ENOSF1: variants seen among roughly 807,000 people sequenced by gnomAD.
ENOSF1 encodes the protein mitochondrial enolase superfamily member 1.
A neutral mutation model predicts 68.2 loss-of-function variants in ENOSF1; 73 were observed. The ratio of observed to expected loss-of-function variants is 1.07; its 90% CI spans 0.89 to 1.30. The LOEUF is 1.30. Ranked by LOEUF, ENOSF1 falls within the 50% of genes most tolerant of loss-of-function variation. The pLI, the probability that ENOSF1 is intolerant of heterozygous loss-of-function variation, is 0.00. For synonymous variants in ENOSF1, 223 were observed against 210.4 expected, an observed-to-expected ratio of 1.06 and a Z score of -0.52; for missense variants, 589 against 554.5, an observed-to-expected ratio of 1.06 and a Z score of -0.62.
chr18:693,334 T>G (rs2077396148), intron 5 of ENOSF1: 3 of 1,207,538 alleles, frequency 2.5e-6, no homozygotes, highest in South Asian at 1.5e-5. Context: ...TCTTTTTTCT[T>G]TTTTTGAGAC....
rs2077136233 is a variant in ENOSF1 at position 691,281 on chromosome 18, C to T, written c.424-5G>A. On this transcript the variant is annotated splice_region_variant and splice_polypyrimidine_tract_variant and intron_variant, in intron 5 of 15. Coordinates refer to ENST00000647584, the MANE Select transcript of ENOSF1 (RefSeq NM_017512.7). ...GGATACCAGCATCCTGGGATCCTGG[C>T]AACGTGACAGGAGGGGAAGAGGCCT... 1.2e-6 allele frequency: 2 copies of T among 1,612,388 alleles called. No homozygotes were observed. Among genetic ancestry groups the T allele is most frequent in the Non-Finnish European group, 8.5e-7 (1 of 1,178,822 alleles).
rs376879431 is a variant in ENOSF1, at chr18:694,234, G to A, written c.396+14C>T. 41 of 1,613,398 alleles carry A rather than the reference G, an allele frequency of 2.5e-5. No individual in the cohort carries two copies. Among genetic ancestry groups the A allele is most frequent in the Non-Finnish European group, 3.4e-5 (40 of 1,179,672 alleles). On this transcript the variant is annotated intron_variant, in intron 4 of 15. Transcript: ENST00000647584. ...GCTCCCAGGAGCCTCCTGAGCGTTT[G>A]TGAGAGGGGTTACCTTTCCCTCCTG... is the stretch of plus-strand genomic sequence containing the variant.
At chr18:710,855 T>A (rs973424449) in intron 1 of ENOSF1, among the ~76,000 whole-genome samples, 1 of 152,216 alleles carries the variant, frequency 6.6e-6, no homozygotes, top group Admixed American at 6.5e-5. Context: ...TGAGATCGAG[T>A]GTTTGGATTC....
intron 9 of ENOSF1, chr18:687,185 G>A (rs368710454): frequency 1.5e-4 from 23 of 152,338 alleles, no homozygotes; most frequent in African/African-American, 5.5e-4. Flanking sequence ...TTGAGTAATT[G>A]ATCACACAGC....
Position 672,716 on chromosome 18 carries a change from C to T in ENOSF1, c.*1589G>A. The T allele has an allele frequency of 2.3e-6, 2 of 872,038 alleles. No homozygotes were observed. The highest frequency in any genetic ancestry group is 3.4e-6 in the Non-Finnish European group (2 of 591,350). 54.0% of individuals were successfully genotyped at this position (872,038 alleles called of 1,614,324 possible). A position where few individuals can be genotyped will look rare whatever the true frequency, so the allele number is the denominator to read the frequency against. On this transcript the variant is annotated 3_prime_UTR_variant, in exon 16 of 16. Transcript: ENST00000647584. ...GTTGCGCTCCAATCATGTTACATAA[C>T]CTACGGCAAGGTATCGACAGGATCA...
chr18:677,466 T>A, intron 13 of ENOSF1, 22 bp from the exon 14 acceptor site: 1 of 1,606,398 alleles, frequency 6.2e-7, no homozygotes, highest in Non-Finnish European at 8.5e-7. Context: ...TCGTTTCTAT[T>A]TAATACCAAG....
chr18:705,590 C>T (rs528557378), intron 2 of ENOSF1, among the ~76,000 whole-genome samples: 1 of 152,092 alleles, frequency 6.6e-6, no homozygotes, highest in African/African-American at 2.4e-5. Flanking sequence ...AAAAGAATGA[C>T]GTATACATGG....
downstream of ENOSF1, among the ~76,000 whole-genome samples, chr18:667,935 T>C (rs2074888932): frequency 6.6e-6 from 1 of 151,862 alleles, no homozygotes; most frequent in Non-Finnish European, 1.5e-5. Context: ...GCTGTTGGAT[T>C]TTAGTAGGAA....
chr18:674,522 A>T (rs567214792), intron 15 of ENOSF1, 116 bp from the exon 16 acceptor site: 1,541 of 673,920 alleles, frequency 2.3e-3, no homozygotes, highest in Non-Finnish European at 2.9e-3. Flanking sequence ...GCAATTAATT[A>T]ATTTTTTTTT....
intron 2 of ENOSF1, among the ~76,000 whole-genome samples, chr18:706,184 C>T (rs1028263645): frequency 6.6e-6 from 1 of 152,008 alleles, no homozygotes; most frequent in Non-Finnish European, 1.5e-5. Context: ...GAAAAGCATC[C>T]TTGTAGCTGT....
chr18:670,852 C>T lies in ENOSF1; in HGVS notation c.*3453G>A. The T allele has an allele frequency of 1.9e-6, 3 of 1,614,012 alleles. No homozygotes were observed. Among genetic ancestry groups the T allele is most frequent in the East Asian group, 4.5e-5 (2 of 44,888 alleles). On this transcript the variant is annotated 3_prime_UTR_variant, in exon 16 of 16. Transcript: ENST00000647584. ...CCCTGCTCACGTACATGATTGCGCA[C>T]ATCACGGGCCTGAAGGTGGGCTGTC...
Position 697,236 on chromosome 18 carries a change from T to C in ENOSF1, c.309+4A>G. On this transcript the variant is annotated splice_donor_region_variant and intron_variant, in intron 3 of 15. Coordinates refer to ENST00000647584, the MANE Select transcript of ENOSF1 (RefSeq NM_017512.7). ...GTAAGCATTTTACAAAATAGGTCCCTTACCCATCTGAGCTGCCCATCACTT... is the reference window on the plus strand; with the variant it reads ...GTAAGCATTTTACAAAATAGGTCCCCTACCCATCTGAGCTGCCCATCACTT... 1 of 1,608,346 alleles carries C rather than the reference T, an allele frequency of 6.2e-7. No homozygotes were observed. The highest frequency in any genetic ancestry group is 2.2e-5 in the East Asian group (1 of 44,868).
intron 11 of ENOSF1, among the ~76,000 whole-genome samples, chr18:679,129 T>C (rs766459177): frequency 6.6e-6 from 1 of 151,898 alleles, no homozygotes; most frequent in Non-Finnish European, 1.5e-5. Context: ...TTTGGACGAC[T>C]CCTTCCTGTG....
chr18:672,916 A>G lies in ENOSF1; in HGVS notation c.*1389T>C. 1.9e-6 allele frequency: 3 copies of G among 1,599,090 alleles called. No homozygotes were observed. The highest frequency in any genetic ancestry group is 2.6e-6 in the Non-Finnish European group (3 of 1,168,206). ...TCAGGATTCTTCGAAAAGTTGAGAA[A>G]ATTGATGACTTCAAAGCTGAAGACT... On this transcript the variant is annotated 3_prime_UTR_variant, in exon 16 of 16. Transcript: ENST00000647584.
intron 2 of ENOSF1, among the ~76,000 whole-genome samples, chr18:697,699 C>T (rs1211208288): frequency 4.6e-5 from 7 of 152,244 alleles, no homozygotes; most frequent in East Asian, 3.9e-4. Flanking sequence ...TGCAGTGAGC[C>T]GAGATTGCAC....
chr18:697,905 C>T (rs1203173899), intron 2 of ENOSF1, among the ~76,000 whole-genome samples: 1 of 152,170 alleles, frequency 6.6e-6, no homozygotes, highest in African/African-American at 2.4e-5. Flanking sequence ...GTAATCCTCC[C>T]ACCTCAGCTT....
Position 683,273 on chromosome 18 carries a change from G to A in ENOSF1, c.849C>T (p.Asp283=), listed in dbSNP as rs1034823936. The A allele has an allele frequency of 6.2e-7, 1 of 1,614,024 alleles. No individual in the cohort carries two copies. Among genetic ancestry groups the A allele is most frequent in the African/African-American group, 1.3e-5 (1 of 74,934 alleles). ...TGGAAATGGTGGCGTGCCCCAGAAT[G>A]TCATCAGGGGAGGTTGGCTCCTCAA... ...LWIEEPTSPD[D]ILGHATISKA... The change falls in exon 11 of 16, where the codon GAC becomes GAT. Residue 283 remains aspartate, a synonymous_variant. Transcript: ENST00000647584.
intron 12 of ENOSF1, 29 bp downstream of exon 12, chr18:678,667 G>A (rs1054536749): frequency 9.3e-6 from 15 of 1,612,240 alleles, no homozygotes; most frequent in African/African-American, 5.3e-5. Context: ...CCAAGGGGAC[G>A]TCATCCACCT....
chr18:669,282 C>A, downstream of ENOSF1: 2 of 814,878 alleles, frequency 2.5e-6, no homozygotes, highest in Non-Finnish European at 1.9e-6. Context: ...GAACTTCCCC[C>A]AGCCACATGG....
Sources: gnomAD v4.1 joint callset for allele counts (sites outside exome capture counted in the v4.1 genomes callset) on GRCh38, gnomAD v4.1.1 for gene constraint, MANE v1.5 for transcripts, NCBI Gene and HGNC (gene_info 2026-07-23, HGNC 2026-07-21) for gene names.